The following SMARCA2 variants were observed in gnomAD, a reference collection of about 807,000 sequenced individuals.
SMARCA2 encodes SWI/SNF-related matrix-associated actin-dependent regulator of chromatin subfamily A member 2.
In SMARCA2, 61 loss-of-function variants were observed where a neutral mutation model predicts 199.8. That is an observed-to-expected ratio of 0.31 (90% CI 0.25 to 0.38). The LOEUF is 0.38. Among genes scored for constraint, SMARCA2 ranks in the 10% least tolerant of loss-of-function variants. The pLI, the probability that SMARCA2 is intolerant of heterozygous loss-of-function variation, is 1.00. For synonymous variants in SMARCA2, 935 were observed against 732.0 expected (o/e 1.28, Z -4.48); for missense variants, 1,344 against 2,012.2 (o/e 0.67, Z 6.35).
intron 21 of SMARCA2, among the ~76,000 whole-genome samples, chr9:2,098,236 G>C (rs958256549): frequency 5.3e-5 from 8 of 152,218 alleles, no homozygotes; most frequent in Non-Finnish European, 1.2e-4. Context: ...TGCAAAATGG[G>C]CAGGAGACAT....
Position 2,104,246 on chromosome 9 carries a change from A to C in SMARCA2, c.3292+77A>C. 7.6e-6 allele frequency: 10 copies of C among 1,323,730 alleles called. No individual in the cohort carries two copies. Among genetic ancestry groups the C allele is most frequent in the Non-Finnish European group, 1.0e-5 (10 of 954,324 alleles). The allele number at this position is 1,323,730 out of a possible 1,614,324, so 82.0% of individuals were successfully genotyped here. ...ATAATGGGCACTTAGGTCCAATCTC[A>C]GCCAAAAAGAAGGGGTAAAATTGAA... On this transcript the variant is annotated intron_variant, in intron 23 of 33. Coordinates refer to ENST00000349721, the MANE Select transcript of SMARCA2 (RefSeq NM_003070.5). The surrounding 1 kb of genome is among the most constrained non-coding windows in gnomAD (Gnocchi z 4.0).
chr9:2,107,488 T>G lies in SMARCA2; in HGVS notation c.3293-2766T>G, dbSNP rs564333310. 2.0e-5 allele frequency among the ~76,000 whole-genome samples: 3 copies of G among 152,144 alleles called. No individual in the cohort carries two copies. In the East Asian group the frequency reaches 5.8e-4, roughly 29 times the overall value. On this transcript the variant is annotated intron_variant, in intron 23 of 33. Coordinates refer to ENST00000349721, the MANE Select transcript of SMARCA2 (RefSeq NM_003070.5). The stretch of plus-strand genomic sequence containing the variant: ...GTGTGCCACCATGCCCAGCTAACTT[T>G]TATATTTTTAGTAGAGATGGGGTTT...
At chr9:2,181,777 C>T (rs777493122) in intron 30 of SMARCA2, 101 bp downstream of exon 30, 11 of 697,428 alleles carry the variant, frequency 1.6e-5, no homozygotes, top group Non-Finnish European at 2.8e-5. Context: ...CTGATGGGTA[C>T]CCAGGGCTCG....
chr9:2,188,449 ATT>A (rs1387927711), intron 32 of SMARCA2, among the ~76,000 whole-genome samples: 1 of 152,048 alleles, frequency 6.6e-6, no homozygotes, highest in African/African-American at 2.4e-5. Flanking sequence ...TCTGCCTTTT[ATT>A]TGTTATGAAT....
chr9:2,099,664 G>A (rs757429547), intron 21 of SMARCA2, among the ~76,000 whole-genome samples: 2 of 152,038 alleles, frequency 1.3e-5, no homozygotes, highest in Non-Finnish European at 2.9e-5. Context: ...CACAGTTATT[G>A]GCAAATCTAT....
At chr9:2,139,605 T>A (rs1030232647) in intron 27 of SMARCA2, among the ~76,000 whole-genome samples, 2 of 152,042 alleles carry the variant, frequency 1.3e-5, no homozygotes, top group Non-Finnish European at 2.9e-5. Flanking sequence ...GATGATTGAC[T>A]GTTTTGTTCT....
intron 27 of SMARCA2, chr9:2,157,738 G>A (rs887534628): frequency 2.3e-5 from 9 of 391,376 alleles, no homozygotes; most frequent in African/African-American, 4.1e-5. Context: ...TTTTGTTTGC[G>A]TGTCCCTGTT....
chr9:2,141,731 A>G (rs1252054640), intron 27 of SMARCA2, among the ~76,000 whole-genome samples: 1 of 152,044 alleles, frequency 6.6e-6, no homozygotes, highest in Non-Finnish European at 1.5e-5. Flanking sequence ...CAAGCCATCT[A>G]TGCAAGTCTG....
At chr9:2,174,514 G>A (rs562052531) in intron 29 of SMARCA2, among the ~76,000 whole-genome samples, 1 of 152,322 alleles carries the variant, frequency 6.6e-6, no homozygotes, top group East Asian at 1.9e-4. Context: ...AAAGCAGCGT[G>A]TGGGACTTGG....
intron 29 of SMARCA2, among the ~76,000 whole-genome samples, chr9:2,179,596 T>C (rs1826867162): frequency 6.6e-6 from 1 of 152,192 alleles, no homozygotes; most frequent in African/African-American, 2.4e-5. Context: ...CATACCTAGA[T>C]TGTTTTAGCC....
At chr9:2,099,255 G>T (rs965566675) in intron 21 of SMARCA2, among the ~76,000 whole-genome samples, 1 of 152,146 alleles carries the variant, frequency 6.6e-6, no homozygotes, top group African/African-American at 2.4e-5. Flanking sequence ...TGGGAGAAAA[G>T]TCTAATGATG....
At chr9:2,190,758 A>G (rs2129997182) in intron 32 of SMARCA2, among the ~76,000 whole-genome samples, 1 of 152,260 alleles carries the variant, frequency 6.6e-6, no homozygotes, top group African/African-American at 2.4e-5. Context: ...GGAAGCATTC[A>G]AAAGTGTTTT....
At chr9:2,151,281 G>T (rs1825060655) in intron 27 of SMARCA2, among the ~76,000 whole-genome samples, 1 of 151,564 alleles carries the variant, frequency 6.6e-6, no homozygotes, top group Admixed American at 6.6e-5. Context: ...TAAAAAAATA[G>T]TTCATCAGGA....
intron 29 of SMARCA2, among the ~76,000 whole-genome samples, chr9:2,174,860 C>T (rs1826452664): frequency 7.7e-6 from 1 of 129,520 alleles, no homozygotes; most frequent in Non-Finnish European, 1.5e-5. Context: ...GTCGAGGCTA[C>T]AGTGCAGTGA....
At chr9:2,099,357 G>A (rs1421051411) in intron 21 of SMARCA2, among the ~76,000 whole-genome samples, 2 of 152,128 alleles carry the variant, frequency 1.3e-5, no homozygotes, top group Admixed American at 6.5e-5. Context: ...ATCTATGGGG[G>A]CCTTTGGGGA....
rs1484775381 is a variant in SMARCA2 at position 2,169,219 on chromosome 9, G to A, written c.4200-1200G>A. 6.6e-6 allele frequency among the ~76,000 whole-genome samples: 1 copy of A among 152,180 alleles called. No individual in the cohort carries two copies. Among genetic ancestry groups the A allele is most frequent in the Non-Finnish European group, 1.5e-5 (1 of 68,032 alleles). On this transcript the variant is annotated intron_variant, in intron 28 of 33. Transcript: ENST00000349721. The surrounding 1 kb of genome is among the most constrained non-coding windows in gnomAD (Gnocchi z 6.5). ...GGCCCTTGCACTGCTGGCCTGGCCT[G>A]GCAAGCTGCAGGGTGGACTGCGTGC... is the stretch of plus-strand genomic sequence containing the variant.
At chr9:2,076,398 A>C in intron 13 of SMARCA2, 69 bp downstream of exon 13, 1 of 1,058,548 alleles carries the variant, frequency 9.4e-7, no homozygotes, top group Non-Finnish European at 1.5e-6. Flanking sequence ...TTCTTTTAGG[A>C]AATTTTGTTC....
At chr9:2,103,144 C>T (rs1466718981) in intron 22 of SMARCA2, among the ~76,000 whole-genome samples, 4 of 152,070 alleles carry the variant, frequency 2.6e-5, no homozygotes, top group African/African-American at 9.7e-5. Flanking sequence ...TCAGGGAGGT[C>T]ACCTCTGACA....
chr9:2,092,522 A>G (rs1490818893), intron 19 of SMARCA2, among the ~76,000 whole-genome samples: 2 of 152,360 alleles, frequency 1.3e-5, no homozygotes, highest in Admixed American at 6.5e-5. Context: ...TATTATTCCA[A>G]TAAAACATCC....
Sources: gnomAD v4.1 joint callset for allele counts (sites outside exome capture counted in the v4.1 genomes callset) on GRCh38, gnomAD v4.1.1 for gene constraint, Gnocchi (gnomAD v3.1) non-coding constraint, MANE v1.5 for transcripts, NCBI Gene and HGNC (gene_info 2026-07-23, HGNC 2026-07-21) for gene names.